PCDH15: variants seen among roughly 807,000 people sequenced by gnomAD.
PCDH15 encodes the protein protocadherin-15.
In PCDH15, 129 loss-of-function variants were observed where a neutral mutation model predicts 178.5. That is an observed-to-expected ratio of 0.72 (90% CI 0.63 to 0.84). The LOEUF is 0.84. Ranked by LOEUF, PCDH15 falls within the 40% of genes least tolerant of loss-of-function variation. The pLI is 0.00. For synonymous variants in PCDH15, 800 were observed against 732.0 expected, an observed-to-expected ratio of 1.09 and a Z score of -1.50; for missense variants, 2,230 against 2,099.9, an observed-to-expected ratio of 1.06 and a Z score of -1.21.
At chr10:55,567,642 A>G (rs1842328749) in intron 2 of PCDH15, among the ~76,000 whole-genome samples, 1 of 152,046 alleles carries the variant, frequency 6.6e-6, no homozygotes, top group Non-Finnish European at 1.5e-5. Flanking sequence ...TTGAATAGAC[A>G]TTTATCCAAA....
rs145147182 is a variant in PCDH15, at chr10:55,389,793, G to A, written c.-155-223142C>T. ...ACAACCCTAAAGTCCTATCTTTGAA[G>A]CTCTAGGAGAAATATTAAATACCAA... On this transcript the variant is annotated intron_variant, in intron 2 of 5. Coordinates refer to the PCDH15 transcript ENST00000613346. Among the ~76,000 whole-genome samples the A allele has an allele frequency of 3.3e-3, 503 of 152,138 alleles. 2 individuals carry two copies. The highest frequency in any genetic ancestry group is 9.8e-3 in the African/African-American group (407 of 41,512).
At chr10:54,554,002 C>A (rs2086894304) in intron 2 of PCDH15, among the ~76,000 whole-genome samples, 1 of 152,056 alleles carries the variant, frequency 6.6e-6, no homozygotes, top group African/African-American at 2.4e-5. Flanking sequence ...GGCATAATTT[C>A]TTTACAAATA....
chr10:54,648,991 A>G (rs2094195395), intron 2 of PCDH15, among the ~76,000 whole-genome samples: 1 of 152,160 alleles, frequency 6.6e-6, no homozygotes, highest in Admixed American at 6.6e-5. Flanking sequence ...TGTTCAATGA[A>G]GAAACATATT....
intron 8 of PCDH15, among the ~76,000 whole-genome samples, chr10:54,241,014 C>A (rs985645136): frequency 6.6e-6 from 1 of 152,132 alleles, no homozygotes; most frequent in East Asian, 1.9e-4. Context: ...ATAATGTAAT[C>A]ATTTACAGGA....
intron 2 of PCDH15, among the ~76,000 whole-genome samples, chr10:54,585,038 G>C (rs1374677816): frequency 3.3e-5 from 5 of 152,036 alleles, no homozygotes; most frequent in African/African-American, 9.7e-5. Context: ...TACATATAAA[G>C]TCTTCTAAGA....
chr10:54,124,792 A>G (rs1431485769), intron 15 of PCDH15, among the ~76,000 whole-genome samples: 1 of 152,196 alleles, frequency 6.6e-6, no homozygotes, highest in Non-Finnish European at 1.5e-5. Context: ...ATATTCATCA[A>G]AAAAGGGAAA....
chr10:54,507,158 G>A (rs1386660614), intron 3 of PCDH15, among the ~76,000 whole-genome samples: 1 of 151,702 alleles, frequency 6.6e-6, no homozygotes, highest in Non-Finnish European at 1.5e-5. Context: ...AGAAGCATTT[G>A]TCTTGCACTT....
At chr10:54,503,327 A>G (rs2080888525) in intron 3 of PCDH15, among the ~76,000 whole-genome samples, 1 of 147,038 alleles carries the variant, frequency 6.8e-6, no homozygotes, top group Admixed American at 6.9e-5. Flanking sequence ...TTTATATTAT[A>G]TATATATAAG....
intron 1 of PCDH15, among the ~76,000 whole-genome samples, chr10:55,288,196 C>T (rs1010401097): frequency 1.1e-4 from 17 of 149,396 alleles, no homozygotes; most frequent in East Asian, 7.8e-4. Flanking sequence ...TAACGGCACA[C>T]GTAGGCTAAC....
intron 1 of PCDH15, among the ~76,000 whole-genome samples, chr10:55,275,809 TTAAAAGAC>T (rs1842580579): frequency 6.6e-6 from 1 of 151,638 alleles, no homozygotes; most frequent in East Asian, 1.9e-4. Context: ...CTTTTGGGAT[TTAAAAGAC>T]TAGAATTCCA....
At chr10:54,023,226 A>G in intron 18 of PCDH15, 29 bp from the exon 19 acceptor site, 1 of 1,603,242 alleles carries the variant, frequency 6.2e-7, no homozygotes. Context: ...AAACAAAAAA[A>G]TTCACGTAAG....
intron 9 of PCDH15, among the ~76,000 whole-genome samples, chr10:54,216,775 C>T (rs2052116619): frequency 6.6e-6 from 1 of 152,052 alleles, no homozygotes; most frequent in Admixed American, 6.6e-5. Flanking sequence ...CTTTTTGACC[C>T]ATACATCCCA....
chr10:54,695,134 G>A (rs1053315331), intron 1 of PCDH15, among the ~76,000 whole-genome samples: 1 of 152,146 alleles, frequency 6.6e-6, no homozygotes, highest in Non-Finnish European at 1.5e-5. Context: ...GTTAATGGGT[G>A]CAGCACACCA....
At chr10:54,219,335 A>C (rs2052501568) in intron 9 of PCDH15, among the ~76,000 whole-genome samples, 1 of 149,700 alleles carries the variant, frequency 6.7e-6, no homozygotes, top group African/African-American at 2.5e-5. Context: ...TCATGCCTGT[A>C]ATCTCAGCAC....
intron 2 of PCDH15, among the ~76,000 whole-genome samples, chr10:55,128,516 C>T (rs1837961255): frequency 6.6e-6 from 1 of 151,990 alleles, no homozygotes; most frequent in Admixed American, 6.6e-5. Flanking sequence ...TTTTATGTAT[C>T]TAAAATGATC....
intron 2 of PCDH15, among the ~76,000 whole-genome samples, chr10:55,023,051 C>T (rs1840378309): frequency 6.6e-6 from 1 of 152,172 alleles, no homozygotes; most frequent in Non-Finnish European, 1.5e-5. Context: ...ACGCCATTCT[C>T]CTGCCTCAGC....
intron 9 of PCDH15, among the ~76,000 whole-genome samples, chr10:54,224,517 G>T (rs2134230605): frequency 6.6e-6 from 1 of 151,794 alleles, no homozygotes; most frequent in East Asian, 1.9e-4. Context: ...TGAAGCTCTG[G>T]GTTTTATTTC....
Position 53,995,730 on chromosome 10 carries a change from T to G in PCDH15, c.2787A>C (p.Arg929=), listed in dbSNP as rs1279444577. 1 of 1,613,902 alleles carries G rather than the reference T, an allele frequency of 6.2e-7. No homozygotes were observed. Among genetic ancestry groups the G allele is most frequent in the Admixed American group, 1.7e-5 (1 of 59,994 alleles). Residue 929 remains arginine (R), a synonymous_variant, in exon 21 of 38, where the codon CGA becomes CGC. Transcript: ENST00000644397. Reference sequence around the variant, plus strand: ...CCGGAGCCACCATCCCTTTGTATATTCGTTTACTAAAGACAGGAGGATAAT... The same window carrying G: ...CCGGAGCCACCATCCCTTTGTATATGCGTTTACTAAAGACAGGAGGATAAT... ...MNDYPPVFSK[R]IYKGMVAPDA... is the part of the protein sequence containing the mutation.
intron 21 of PCDH15, among the ~76,000 whole-genome samples, chr10:53,979,496 T>C (rs961399964): frequency 1.3e-5 from 2 of 152,200 alleles, no homozygotes; most frequent in Non-Finnish European, 2.9e-5. Flanking sequence ...TCTAAGAATT[T>C]ATTTATCTAA....
Sources: allele counts gnomAD v4.1 joint callset (sites outside exome capture counted in the v4.1 genomes callset), GRCh38; gene constraint gnomAD v4.1.1; transcripts MANE v1.5; gene names NCBI Gene and HGNC (gene_info 2026-07-23, HGNC 2026-07-21).